Variants in COL4A6 observed in about 807,000 individuals in gnomAD.
The protein encoded by COL4A6 is collagen alpha-6(IV) chain.
COL4A6 carries 59 observed loss-of-function variants against 126.7 expected under a neutral mutation model. That is an observed-to-expected ratio of 0.47 (90% CI 0.38 to 0.58). The LOEUF is 0.58. Ranked by LOEUF, COL4A6 falls within the 20% of genes least tolerant of loss-of-function variation. The probability of loss-of-function intolerance (pLI) is 0.00; values close to 1 mark genes in which losing one functional copy is unlikely to be tolerated. For synonymous variants in COL4A6, 547 were observed against 496.6 expected, an observed-to-expected ratio of 1.10 and a Z score of -1.35; for missense variants, 1,285 against 1,337.3, an observed-to-expected ratio of 0.96 and a Z score of 0.61.
At chrX:108,369,514 C>T (rs890433413) in intron 2 of COL4A6, among the ~76,000 whole-genome samples, 2 of 111,475 alleles carry the variant, frequency 1.8e-5, no homozygotes, top group African/African-American at 6.5e-5. Context: ...TGGTTTGCTC[C>T]CCATTGCAAC....
chrX:108,195,104 A>G lies in COL4A6; in HGVS notation c.926T>C (p.Val309Ala), dbSNP rs1340174178. The part of the protein sequence containing the change: ...GPRGPMGSEG[V>A]QGPPGQQGKK... ...TACCTGTTGCCCTGGAGGGCCTTGG[A>G]CTCCTTCTGAACCCATGGGACCCTG... The change falls in exon 15 of 45, where the codon GTC (valine) becomes GCC (alanine). Residue 309 changes from valine to alanine, a missense_variant. Physicochemically the swap from Val to Ala is moderately conservative, Grantham distance 64. Transcript: ENST00000334504. 1 of 1,205,221 alleles carries G rather than the reference A, an allele frequency of 8.3e-7. No homozygotes were observed. Among genetic ancestry groups the G allele is most frequent in the Admixed American group, 2.2e-5 (1 of 45,654 alleles).
chrX:108,360,014 C>T (rs1329107087), intron 2 of COL4A6, among the ~76,000 whole-genome samples: 1 of 111,707 alleles, frequency 9.0e-6, no homozygotes, highest in Non-Finnish European at 1.9e-5. Context: ...CTAAGTACAC[C>T]AACAGCTGTG....
At position 108,428,553 on chromosome X, in the gene COL4A6, C is replaced by G. The variant is rs184409770; in HGVS notation, c.63+9389G>C. Among the ~76,000 whole-genome samples the G allele has an allele frequency of 1.5e-4, 17 of 110,640 alleles. No individual in the cohort carries two copies. The East Asian group carries it at 4.8e-3, about 31-fold the overall frequency. ...AAATTAAACCCTGGAGGAAGAGGGT[C>G]AGAAAAAAATAATTATTGGGTACTA... is the stretch of plus-strand genomic sequence containing the variant. On this transcript the variant is annotated intron_variant, in intron 2 of 44. Coordinates refer to ENST00000334504, the MANE Select transcript of COL4A6 (RefSeq NM_033641.4).
intron 44 of COL4A6, among the ~76,000 whole-genome samples, chrX:108,158,351 C>T (rs943000045): frequency 1.8e-5 from 2 of 112,744 alleles, no homozygotes; most frequent in Non-Finnish European, 3.7e-5. Context: ...AGATGCCTTG[C>T]TAGGCAGTCC....
At chrX:108,272,194 A>T (rs1443951608) in intron 3 of COL4A6, among the ~76,000 whole-genome samples, 1 of 111,530 alleles carries the variant, frequency 9.0e-6, no homozygotes, top group South Asian at 3.8e-4. Context: ...GTAACAGCCT[A>T]TAAACTTCCT....
chrX:108,387,760 G>A (rs2040735950), intron 2 of COL4A6, among the ~76,000 whole-genome samples: 1 of 111,833 alleles, frequency 8.9e-6, no homozygotes, highest in Non-Finnish European at 1.9e-5. Flanking sequence ...ATGTTGATTA[G>A]GGCTGGTGAG....
At chrX:108,349,170 C>T (rs1264250187) in intron 2 of COL4A6, among the ~76,000 whole-genome samples, 1 of 111,515 alleles carries the variant, frequency 9.0e-6, no homozygotes, top group Admixed American at 9.5e-5. Flanking sequence ...GATGCTTGAA[C>T]GGCACAGTGA....
At chrX:108,316,615 G>A (rs2038886052) in intron 2 of COL4A6, among the ~76,000 whole-genome samples, 1 of 111,528 alleles carries the variant, frequency 9.0e-6, no homozygotes, top group Admixed American at 9.6e-5. Context: ...TCTCCTCCAC[G>A]ATCCACTGAA....
chrX:108,178,662 A>C, intron 27 of COL4A6, 22 bp downstream of exon 27: 1 of 1,204,716 alleles, frequency 8.3e-7, no homozygotes, highest in Non-Finnish European at 1.1e-6. Flanking sequence ...TCAAGGTGGG[A>C]CTCTTCCTCT....
At chrX:108,176,776 A>C in intron 28 of COL4A6, 65 bp downstream of exon 28, 1 of 1,082,191 alleles carries the variant, frequency 9.2e-7, no homozygotes, top group Non-Finnish European at 1.2e-6. Flanking sequence ...AGGAAGGAGC[A>C]AGCTGCGCAG....
At chrX:108,209,877 A>C (rs2035650834) in intron 8 of COL4A6, 92 bp downstream of exon 8, 1 of 993,641 alleles carries the variant, frequency 1.0e-6, no homozygotes, top group East Asian at 3.1e-5. Context: ...TGAGGTCTAC[A>C]AAGACCTTAG....
chrX:108,278,362 C>A (rs935084939), intron 3 of COL4A6, among the ~76,000 whole-genome samples: 4 of 111,431 alleles, frequency 3.6e-5, no homozygotes, highest in Non-Finnish European at 5.7e-5. Context: ...CCTCAGGAGC[C>A]GATGCAATCA....
At chrX:108,423,184 T>C (rs960244155) in intron 2 of COL4A6, among the ~76,000 whole-genome samples, 1 of 111,751 alleles carries the variant, frequency 8.9e-6, no homozygotes, top group East Asian at 2.8e-4. Flanking sequence ...AATAAACACA[T>C]AGAAAATTTA....
intron 3 of COL4A6, among the ~76,000 whole-genome samples, chrX:108,234,510 G>A (rs1266746): frequency 0.23 from 25,411 of 111,234 alleles, 2,692 homozygotes; most frequent in Non-Finnish European, 0.33. Flanking sequence ...TCAGTAAATC[G>A]ATGAGGCAAT....
chrX:108,246,983 GATA>G (rs751062142), intron 3 of COL4A6, among the ~76,000 whole-genome samples: 10 of 111,837 alleles, frequency 8.9e-5, no homozygotes, highest in Non-Finnish European at 3.8e-5. Context: ...AACTCTTGGT[GATA>G]ATGATGATGA....
chrX:108,182,114 C>T (rs2034704430), intron 23 of COL4A6, among the ~76,000 whole-genome samples: 2 of 112,072 alleles, frequency 1.8e-5, no homozygotes, highest in African/African-American at 6.5e-5. Context: ...GCCAGACAGA[C>T]CTTAGCTGGT....
At chrX:108,394,869 C>A (rs1467356859) in intron 2 of COL4A6, among the ~76,000 whole-genome samples, 1 of 110,512 alleles carries the variant, frequency 9.0e-6, no homozygotes, top group Admixed American at 9.6e-5. Context: ...AAGTTAGAAG[C>A]AAGTCTGGTG....
In COL4A6 at chrX:108,178,745, A is replaced by G; in HGVS notation, c.2454T>C (p.Gly818=). The change falls in exon 27 of 45, where the codon GGT becomes GGC. Residue 818 remains glycine (G), a synonymous_variant. Coordinates refer to ENST00000334504, the MANE Select transcript of COL4A6 (RefSeq NM_033641.4). ...CAGATTTGCCCTTGATGCCATATGG[A>G]CCACTAGATCCTGGGGTGCCTGGCT... ...VGQPGTPGSS[G]PYGIKGKSGL... 1 of 1,211,403 alleles carries G rather than the reference A, an allele frequency of 8.3e-7. No individual in the cohort carries two copies. The highest frequency in any genetic ancestry group is 3.0e-5 in the East Asian group (1 of 33,803).
At chrX:108,407,093 AC>A (rs2041222387) in intron 2 of COL4A6, among the ~76,000 whole-genome samples, 1 of 112,429 alleles carries the variant, frequency 8.9e-6, no homozygotes, top group Non-Finnish European at 1.9e-5. Context: ...TGATTTTACT[AC>A]CAGAAATCTC....
Sources: gnomAD v4.1 joint callset for allele counts (sites outside exome capture counted in the v4.1 genomes callset) on GRCh38, gnomAD v4.1.1 for gene constraint, MANE v1.5 for transcripts, NCBI Gene and HGNC (gene_info 2026-07-23, HGNC 2026-07-21) for gene names.